BACH2: variants seen among roughly 807,000 people sequenced by gnomAD.
BACH2 encodes the protein transcription regulator protein BACH2.
Under a neutral mutation model 61.8 loss-of-function variants are expected in BACH2, and 5 were observed. The observed-to-expected ratio is 0.08, with a 90% CI of 0.04 to 0.17. The LOEUF is 0.17. Among genes scored for constraint, BACH2 ranks in the 10% least tolerant of loss-of-function variants. The pLI, the probability that BACH2 is intolerant of heterozygous loss-of-function variation, is 1.00. For missense variants in BACH2, 824 were observed against 1,091.1 expected (o/e 0.76, Z 3.45); for synonymous variants, 446 against 440.1 (o/e 1.01, Z -0.17).
At chr6:89,991,569 G>A (rs1329514974) in intron 6 of BACH2, among the ~76,000 whole-genome samples, 1 of 152,124 alleles carries the variant, frequency 6.6e-6, no homozygotes, top group East Asian at 1.9e-4. Flanking sequence ...AAATACTTCT[G>A]CATATATCTC....
At chr6:90,221,557 T>A (rs1292489362) in intron 3 of BACH2, among the ~76,000 whole-genome samples, 1 of 152,168 alleles carries the variant, frequency 6.6e-6, no homozygotes. Context: ...TTGCAGCCTT[T>A]CCCTTGAGGA....
chr6:90,233,009 C>T (rs1221082325), intron 3 of BACH2, among the ~76,000 whole-genome samples: 1 of 152,198 alleles, frequency 6.6e-6, no homozygotes, highest in Non-Finnish European at 1.5e-5. Context: ...GGCTTCTCTT[C>T]CAGACCATCC....
intron 8 of BACH2, among the ~76,000 whole-genome samples, chr6:89,937,591 G>A (rs943481740): frequency 6.6e-6 from 1 of 151,996 alleles, no homozygotes; most frequent in Non-Finnish European, 1.5e-5. Flanking sequence ...ATGCAGTGGC[G>A]TGATCTCCAC....
intron 4 of BACH2, among the ~76,000 whole-genome samples, chr6:90,100,728 G>GACACACACACACACACACACACAGACAC (rs367693277): frequency 2.8e-5 from 4 of 142,264 alleles, no homozygotes; most frequent in African/African-American, 7.8e-5. Context: ...CACACACACA[G>GACACACACACACACACACACACAGACAC]ACACACACAC....
At position 90,054,402 on chromosome 6, in the gene BACH2, G is replaced by GC. The variant is rs1780214258; in HGVS notation, c.-13+34558_-13+34559insG. ...GCAGTCTGAGATCAAACTGCAAGGC[G>GC]GCAGCGAGGCTGGGGGAGGGGCGCC... On this transcript the variant is annotated intron_variant, in intron 5 of 8. Coordinates refer to ENST00000257749, the MANE Select transcript of BACH2 (RefSeq NM_021813.4). Among the ~76,000 whole-genome samples the GC allele has an allele frequency of 2.0e-5, 3 of 151,918 alleles. No individual in the cohort carries two copies. In the South Asian group the frequency reaches 6.3e-4, roughly 32 times the overall value.
chr6:90,059,190 C>A (rs1227022026), intron 5 of BACH2, among the ~76,000 whole-genome samples: 2 of 152,238 alleles, frequency 1.3e-5, no homozygotes, highest in African/African-American at 4.8e-5. Context: ...AACAGGCAAC[C>A]TACAGAACGG....
At chr6:90,131,016 T>A (rs117660077) in intron 4 of BACH2, among the ~76,000 whole-genome samples, 4 of 152,214 alleles carry the variant, frequency 2.6e-5, no homozygotes, top group African/African-American at 9.6e-5. Flanking sequence ...TATGGTCTTT[T>A]AGTGGGAAGA....
chr6:89,957,421 G>T (rs1246064281), intron 6 of BACH2, among the ~76,000 whole-genome samples: 2 of 151,984 alleles, frequency 1.3e-5, no homozygotes, highest in Non-Finnish European at 2.9e-5. Flanking sequence ...TTACAGACAG[G>T]GTCTCCCTAT....
chr6:90,225,847 G>A (rs958261395), intron 3 of BACH2, among the ~76,000 whole-genome samples: 2 of 152,186 alleles, frequency 1.3e-5, no homozygotes, highest in African/African-American at 4.8e-5. Flanking sequence ...GTCAGGGTGT[G>A]CCTTACTGAG....
intron 4 of BACH2, among the ~76,000 whole-genome samples, chr6:90,129,445 C>T (rs1784004557): frequency 6.6e-6 from 1 of 152,044 alleles, no homozygotes; most frequent in South Asian, 2.1e-4. Context: ...TAAGTTCCCT[C>T]CCCTCACCTC....
At chr6:90,191,980 A>G (rs16882493) in intron 4 of BACH2, among the ~76,000 whole-genome samples, 2,472 of 152,330 alleles carry the variant, frequency 0.016, 44 homozygotes, top group East Asian at 0.072. Flanking sequence ...CCACTGTTCA[A>G]ATGACTAGCT....
intron 4 of BACH2, among the ~76,000 whole-genome samples, chr6:90,092,291 A>AAAAAAAAAAAATATATATATATATATAT: frequency 8.8e-6 from 1 of 113,842 alleles, no homozygotes; most frequent in African/African-American, 3.6e-5. Context: ...AAAAAAAAAA[A>AAAAAAAAAAAATATATATATATATATAT]ATATATATAT....
intron 3 of BACH2, among the ~76,000 whole-genome samples, chr6:90,233,629 T>C (rs543975088): frequency 6.9e-4 from 105 of 152,304 alleles, no homozygotes; most frequent in Non-Finnish European, 9.0e-4. Context: ...TTAATGCTCA[T>C]AGGGTCCTCG....
chr6:90,010,007 A>G (rs1582188491), intron 5 of BACH2, among the ~76,000 whole-genome samples: 1 of 152,384 alleles, frequency 6.6e-6, no homozygotes, highest in East Asian at 1.9e-4. Context: ...ATTAATTTAT[A>G]TAGTTACATA....
At chr6:89,980,449 C>A (rs76556582) in intron 6 of BACH2, among the ~76,000 whole-genome samples, 1,739 of 152,256 alleles carry the variant, frequency 0.011, 32 homozygotes, top group African/African-American at 0.04. Flanking sequence ...TAAGTAAGTG[C>A]CCTAGGTTAA....
In BACH2 at chr6:90,171,669, G is replaced by C. The variant is rs1243705379; in HGVS notation, c.-162+34900C>G. Among the ~76,000 whole-genome samples the C allele has an allele frequency of 2.0e-5, 3 of 152,060 alleles. No homozygotes were observed. The South Asian group carries it at 6.2e-4, about 31-fold the overall frequency. On this transcript the variant is annotated intron_variant, in intron 4 of 8. Coordinates refer to ENST00000257749, the MANE Select transcript of BACH2 (RefSeq NM_021813.4). ...ACAAAACAAAGAATCAAGCTGTCAT[G>C]AACATGAATGAGAAAAAACAAAACT...
At chr6:90,267,846 A>G (rs541937140) in intron 2 of BACH2, among the ~76,000 whole-genome samples, 1 of 152,266 alleles carries the variant, frequency 6.6e-6, no homozygotes, top group South Asian at 2.1e-4. Flanking sequence ...GTTTGTATGT[A>G]TGTATATGAT....
intron 4 of BACH2, among the ~76,000 whole-genome samples, chr6:90,117,608 T>G (rs1312230400): frequency 1.3e-5 from 2 of 152,168 alleles, no homozygotes; most frequent in Non-Finnish European, 2.9e-5. Context: ...TGTGCATCAC[T>G]GAGCCCTAGC....
intron 5 of BACH2, among the ~76,000 whole-genome samples, chr6:90,011,932 ATGTGTGTG>A (rs71027919): frequency 7.3e-4 from 83 of 114,300 alleles, no homozygotes; most frequent in Middle Eastern, 9.3e-3. Context: ...AAAAAAAAAT[ATGTGTGTG>A]TGTGTGTGTG....
Sources: gnomAD v4.1 joint callset for allele counts (sites outside exome capture counted in the v4.1 genomes callset) on GRCh38, gnomAD v4.1.1 for gene constraint, MANE v1.5 for transcripts, NCBI Gene and HGNC (gene_info 2026-07-23, HGNC 2026-07-21) for gene names.